Variants in SMYD3 observed in about 807,000 individuals in gnomAD.
SMYD3 encodes the protein SET and MYND domain containing 3.
Under a neutral mutation model 57.7 loss-of-function variants are expected in SMYD3, and 36 were observed. The observed-to-expected ratio is 0.62, with a 90% CI of 0.48 to 0.82. SMYD3 has a LOEUF of 0.82. SMYD3 is among the 40% of genes least tolerant of loss of function. The pLI is 0.00. For synonymous variants in SMYD3, 211 were observed against 195.0 expected, an observed-to-expected ratio of 1.08 and a Z score of -0.68; for missense variants, 515 against 538.8, an observed-to-expected ratio of 0.96 and a Z score of 0.44.
At chr1:245,880,170 G>A (rs1226705943) in intron 8 of SMYD3, among the ~76,000 whole-genome samples, 1 of 152,240 alleles carries the variant, frequency 6.6e-6, no homozygotes, top group Non-Finnish European at 1.5e-5. Context: ...AGTGAATGCT[G>A]TTCTTGCAGC....
At chr1:245,980,773 C>A (rs557160972) in intron 5 of SMYD3, among the ~76,000 whole-genome samples, 1 of 152,232 alleles carries the variant, frequency 6.6e-6, no homozygotes, top group Non-Finnish European at 1.5e-5. Context: ...GTCTGGGAAA[C>A]AAATCCCTAC....
intron 5 of SMYD3, among the ~76,000 whole-genome samples, chr1:246,179,823 A>G (rs909240426): frequency 1.3e-5 from 2 of 152,252 alleles, no homozygotes; most frequent in African/African-American, 4.8e-5. Flanking sequence ...CCCTCCATCC[A>G]CAGTCTCTTT....
rs34973427 is a variant in SMYD3 at position 246,461,733 on chromosome 1, C to CAA, written c.164+45319_164+45320dup. Among the ~76,000 whole-genome samples, 660 of 122,426 alleles carry CAA rather than the reference C, an allele frequency of 5.4e-3. 9 individuals are homozygous for CAA. Among genetic ancestry groups the CAA allele is most frequent in the Middle Eastern group, 0.022 (5 of 226 alleles). 80.3% of individuals were successfully genotyped at this position (122,426 alleles called of 152,430 possible). ...TGGGCAACAGAACTGGACTCTGTCTCAAAAAAAAAAAAAAAAAAATTAAAA... is the reference window on the plus strand; with the variant it reads ...TGGGCAACAGAACTGGACTCTGTCTCAAAAAAAAAAAAAAAAAAAAATTAAAA... On this transcript the variant is annotated intron_variant, in intron 1 of 11. Coordinates refer to ENST00000490107, the MANE Select transcript of SMYD3 (RefSeq NM_001167740.2).
chr1:246,065,960 TAC>T (rs2060333287), intron 5 of SMYD3, among the ~76,000 whole-genome samples: 1 of 152,216 alleles, frequency 6.6e-6, no homozygotes, highest in African/African-American at 2.4e-5. Context: ...TTTTCTCCTT[TAC>T]ATCTGTTTTT....
chr1:246,291,825 G>T (rs951395796), intron 5 of SMYD3, among the ~76,000 whole-genome samples: 1 of 152,170 alleles, frequency 6.6e-6, no homozygotes, highest in Non-Finnish European at 1.5e-5. Context: ...GATCACACAG[G>T]TAGGTAGTAA....
intron 1 of SMYD3, among the ~76,000 whole-genome samples, chr1:246,396,223 T>C (rs1331422559): frequency 6.6e-6 from 1 of 152,214 alleles, no homozygotes; most frequent in African/African-American, 2.4e-5. Flanking sequence ...CTTTTGCAAA[T>C]TGGGCTTTAT....
In SMYD3 at chr1:245,874,072, A is replaced by G. The variant is rs1407454921; in HGVS notation, c.814-10186T>C. On this transcript the variant is annotated intron_variant, in intron 8 of 11. Transcript: ENST00000490107. Reference sequence around the variant, plus strand: ...AGGTTGCTGGGGTTTGTGATTGTGCAACAAATTGTAAATGCCTTTGTTCTG... The same window carrying G: ...AGGTTGCTGGGGTTTGTGATTGTGCGACAAATTGTAAATGCCTTTGTTCTG... Among the ~76,000 whole-genome samples, 6 of 152,224 alleles carry G rather than the reference A, an allele frequency of 3.9e-5. No homozygotes were observed. In the East Asian group the frequency reaches 1.2e-3, roughly 29 times the overall value.
At chr1:246,395,529 C>G (rs1199432668) in intron 1 of SMYD3, among the ~76,000 whole-genome samples, 3 of 152,220 alleles carry the variant, frequency 2.0e-5, no homozygotes, top group Non-Finnish European at 4.4e-5. Context: ...GTGCCTCTCA[C>G]AAGTTCCACC....
intron 2 of SMYD3, among the ~76,000 whole-genome samples, chr1:246,341,284 C>T (rs940690281): frequency 1.3e-5 from 2 of 152,056 alleles, no homozygotes; most frequent in Admixed American, 6.6e-5. Flanking sequence ...AATCTAGTTG[C>T]AACTCAAAGC....
At chr1:246,444,524 AGC>A (rs1373186090) in intron 1 of SMYD3, among the ~76,000 whole-genome samples, 1 of 152,218 alleles carries the variant, frequency 6.6e-6, no homozygotes, top group East Asian at 1.9e-4. Flanking sequence ...CTGGGTCAGA[AGC>A]ATGACTGACT....
chr1:246,445,753 A>C (rs1476280197), intron 1 of SMYD3, among the ~76,000 whole-genome samples: 2 of 152,272 alleles, frequency 1.3e-5, no homozygotes, highest in Non-Finnish European at 2.9e-5. Context: ...CTTAGTACAG[A>C]TAAGAAATTA....
At chr1:245,896,799 C>T (rs550284828) in intron 8 of SMYD3, among the ~76,000 whole-genome samples, 3 of 152,172 alleles carry the variant, frequency 2.0e-5, no homozygotes, top group African/African-American at 2.4e-5. Flanking sequence ...ATCACCGGGG[C>T]GCAAGAGGTC....
At chr1:246,188,368 TAGACAA>T (rs2062678219) in intron 5 of SMYD3, among the ~76,000 whole-genome samples, 2 of 152,202 alleles carry the variant, frequency 1.3e-5, no homozygotes, top group East Asian at 3.8e-4. Context: ...TTCTCTGGCC[TAGACAA>T]TGCCTAATGG....
At chr1:246,421,430 A>G (rs2067141406) in intron 1 of SMYD3, among the ~76,000 whole-genome samples, 1 of 152,170 alleles carries the variant, frequency 6.6e-6, no homozygotes, top group Non-Finnish European at 1.5e-5. Context: ...AAAATGTAAC[A>G]AAATAAAATA....
At chr1:246,254,925 A>G (rs1386960969) in intron 5 of SMYD3, among the ~76,000 whole-genome samples, 1 of 152,156 alleles carries the variant, frequency 6.6e-6, no homozygotes, top group East Asian at 1.9e-4. Flanking sequence ...TTTGGCTCTC[A>G]GTTTGAACGT....
chr1:246,344,417 C>T (rs1256610705), intron 2 of SMYD3, among the ~76,000 whole-genome samples: 6 of 152,162 alleles, frequency 3.9e-5, no homozygotes, highest in South Asian at 2.1e-4. Flanking sequence ...ACTAACGTTG[C>T]GGCATGCATC....
chr1:245,849,031 A>G (rs1209512377), intron 10 of SMYD3, among the ~76,000 whole-genome samples: 1 of 152,196 alleles, frequency 6.6e-6, no homozygotes, highest in Non-Finnish European at 1.5e-5. Context: ...ACGAGCATCT[A>G]TGGGCTGGGT....
intron 10 of SMYD3, among the ~76,000 whole-genome samples, chr1:245,811,164 G>A (rs2048449126): frequency 6.6e-6 from 1 of 152,152 alleles, no homozygotes; most frequent in African/African-American, 2.4e-5. Flanking sequence ...AGTTTCCCAG[G>A]GTGATGCAAA....
At chr1:246,106,922 G>GA (rs2061134043) in intron 5 of SMYD3, among the ~76,000 whole-genome samples, 2 of 152,154 alleles carry the variant, frequency 1.3e-5, no homozygotes, top group African/African-American at 4.8e-5. Context: ...AAAGTGAGGA[G>GA]AAAAACAGCT....
Sources: allele counts gnomAD v4.1 joint callset (sites outside exome capture counted in the v4.1 genomes callset), GRCh38; gene constraint gnomAD v4.1.1; transcripts MANE v1.5; gene names NCBI Gene and HGNC (gene_info 2026-07-23, HGNC 2026-07-21).